The following PRKCB variants were observed in gnomAD, a reference collection of about 807,000 sequenced individuals.
PRKCB encodes protein kinase C beta.
A neutral mutation model predicts 81.5 loss-of-function variants in PRKCB; 13 were observed. The observed-to-expected ratio is 0.16, with a 90% CI of 0.10 to 0.25. The LOEUF (loss-of-function observed/expected upper bound fraction) is 0.25, where lower values mean the gene tolerates loss of function less well. Ranked by LOEUF, PRKCB falls within the 10% of genes least tolerant of loss-of-function variation. The pLI is 1.00. For synonymous variants in PRKCB, 335 were observed against 321.4 expected (o/e 1.04, Z -0.45); for missense variants, 509 against 875.7 (o/e 0.58, Z 5.29).
intron 5 of PRKCB, among the ~76,000 whole-genome samples, chr16:24,083,889 A>G (rs1373254371): frequency 3.9e-5 from 6 of 152,246 alleles, no homozygotes; most frequent in Admixed American, 6.5e-5. Flanking sequence ...AAGCTGATAA[A>G]AGACACAAGT....
intron 10 of PRKCB, among the ~76,000 whole-genome samples, chr16:24,157,218 G>C (rs1967174397): frequency 6.6e-6 from 1 of 152,124 alleles, no homozygotes; most frequent in Non-Finnish European, 1.5e-5. Context: ...TGAGAACCAG[G>C]AGAGCCTAGA....
chr16:24,148,201 C>A (rs1437949251), intron 9 of PRKCB, among the ~76,000 whole-genome samples: 1 of 152,162 alleles, frequency 6.6e-6, no homozygotes, highest in Non-Finnish European at 1.5e-5. Flanking sequence ...CTCCTGTGTC[C>A]CCGCCTTGCT....
chr16:24,049,047 GTTTTTTTTTTTTT>G (rs1160842975), intron 5 of PRKCB, among the ~76,000 whole-genome samples: 58 of 49,704 alleles, frequency 1.2e-3, no homozygotes, highest in Admixed American at 5.5e-3. Flanking sequence ...AAATTGGCCT[GTTTTTTTTTTTTT>G]TTTTTTTTTT....
intron 9 of PRKCB, 87 bp downstream of exon 9, chr16:24,124,068 C>A: frequency 6.8e-7 from 1 of 1,466,084 alleles, no homozygotes; most frequent in Non-Finnish European, 9.4e-7. Context: ...GACGGACGTC[C>A]TAGTGGGAGA....
rs769874764 is a variant in PRKCB at position 24,032,215 on chromosome 16, A to G, written c.368A>G (p.Tyr123Cys). The change falls in exon 4 of 17, where the codon TAT (tyrosine) becomes TGT (cysteine). Residue 123 changes from tyrosine to cysteine, a missense_variant. Transcript: ENST00000643927. ...TFCDHCGSLL[Y>C]GLIHQGMKCD... Reference sequence around the variant, plus strand: ...TGTGACCACTGTGGGTCACTGCTGTATGGACTCATCCACCAGGGGATGAAA... The same window carrying G: ...TGTGACCACTGTGGGTCACTGCTGTGTGGACTCATCCACCAGGGGATGAAA... 1 of 1,612,346 alleles carries G rather than the reference A, an allele frequency of 6.2e-7. No homozygotes were observed.
chr16:24,013,342 T>C (rs191726050), intron 3 of PRKCB, among the ~76,000 whole-genome samples: 95 of 152,312 alleles, frequency 6.2e-4, no homozygotes, highest in African/African-American at 2.2e-3. Flanking sequence ...AAAAGCACAG[T>C]TACTTCTGCA....
At chr16:23,862,066 A>G (rs907390007) in intron 2 of PRKCB, among the ~76,000 whole-genome samples, 1 of 151,868 alleles carries the variant, frequency 6.6e-6, no homozygotes, top group South Asian at 2.1e-4. Flanking sequence ...ATTGTGTCTT[A>G]TCTTCCTGGT....
intron 2 of PRKCB, among the ~76,000 whole-genome samples, chr16:23,969,177 A>C (rs1162113609): frequency 6.6e-6 from 1 of 152,114 alleles, no homozygotes; most frequent in Non-Finnish European, 1.5e-5. Context: ...CTCAAAAACC[A>C]AAACCAAAAA....
At chr16:24,181,771 C>CAAAAAAAAAAAAAAAAAAAAAAAAAAA (rs71154286) in intron 13 of PRKCB, among the ~76,000 whole-genome samples, 7 of 24,572 alleles carry the variant, frequency 2.8e-4, no homozygotes, top group Admixed American at 6.2e-4. Context: ...GACCCTGTCT[C>CAAAAAAAAAAAAAAAAAAAAAAAAAAA]AAAAAAAAAA....
chr16:24,055,908 G>A (rs1384924591), intron 5 of PRKCB, among the ~76,000 whole-genome samples: 1 of 152,088 alleles, frequency 6.6e-6, no homozygotes, highest in African/African-American at 2.4e-5. Context: ...CACAGTGCTG[G>A]GCTCTTTACC....
intron 13 of PRKCB, among the ~76,000 whole-genome samples, chr16:24,182,903 T>TGTGTGTGTGTGTGTGTGTG (rs1311568875): frequency 2.8e-4 from 10 of 35,164 alleles, no homozygotes; most frequent in African/African-American, 8.0e-4. Flanking sequence ...GTGTGTGTGT[T>TGTGTGTGTGTGTGTGTGTG]TGAGACAGGG....
At chr16:23,906,632 C>T (rs1012191128) in intron 2 of PRKCB, among the ~76,000 whole-genome samples, 4 of 152,054 alleles carry the variant, frequency 2.6e-5, no homozygotes, top group African/African-American at 4.8e-5. Flanking sequence ...TCTTTTACTA[C>T]TTTAACTTCT....
rs762014773 is a variant in PRKCB, at chr16:24,113,143, C to T, written c.918+74C>T. On this transcript the variant is annotated intron_variant, in intron 8 of 16. Transcript: ENST00000643927. Reference sequence around the variant, plus strand: ...TCCTTCTTTCCTCCTGCTCCCTCCTCTTTCTTTCTCTTTCTCTCTTATTCT... The same window carrying T: ...TCCTTCTTTCCTCCTGCTCCCTCCTTTTTCTTTCTCTTTCTCTCTTATTCT... 2.9e-4 allele frequency: 296 copies of T among 1,034,132 alleles called. 4 individuals carry two copies. The highest frequency in any genetic ancestry group is 7.2e-4 in the South Asian group (46 of 63,698). 64.1% of individuals were successfully genotyped at this position (1,034,132 alleles called of 1,614,324 possible).
At chr16:24,148,134 A>G (rs1442050964) in intron 9 of PRKCB, among the ~76,000 whole-genome samples, 1 of 152,298 alleles carries the variant, frequency 6.6e-6, no homozygotes, top group East Asian at 1.9e-4. Context: ...AGGTTTGTAG[A>G]TCCAGATCGT....
chr16:24,087,519 T>C lies in PRKCB; in HGVS notation c.530-5272T>C, dbSNP rs1305280982. Among the ~76,000 whole-genome samples, 3 of 152,332 alleles carry C rather than the reference T, an allele frequency of 2.0e-5. No homozygotes were observed. The East Asian group carries it at 5.8e-4, about 29-fold the overall frequency. Reference sequence around the variant, plus strand: ...GGATTAATGTTCTTTTATTTTTCCTTAATAAATCCTTCACTGGAATGAATT... The same window carrying C: ...GGATTAATGTTCTTTTATTTTTCCTCAATAAATCCTTCACTGGAATGAATT... On this transcript the variant is annotated intron_variant, in intron 5 of 16. Transcript: ENST00000643927.
intron 7 of PRKCB, among the ~76,000 whole-genome samples, chr16:24,106,093 T>C (rs1213709545): frequency 1.0e-5 from 1 of 98,112 alleles, no homozygotes; most frequent in Non-Finnish European, 2.2e-5. Context: ...ATTTTGGTCT[T>C]ATTACAAAAA....
intron 2 of PRKCB, among the ~76,000 whole-genome samples, chr16:23,913,789 T>C (rs1168468808): frequency 6.6e-6 from 1 of 152,194 alleles, no homozygotes. Context: ...CATCTCAGAA[T>C]TCCTGTGCAG....
At chr16:24,037,501 A>C (rs936621353) in intron 5 of PRKCB, among the ~76,000 whole-genome samples, 1 of 152,194 alleles carries the variant, frequency 6.6e-6, no homozygotes, top group Admixed American at 6.5e-5. Flanking sequence ...ACCCATCAGA[A>C]AACACATTTC....
chr16:24,023,744 G>A (rs1230312007), intron 3 of PRKCB, among the ~76,000 whole-genome samples: 1 of 152,104 alleles, frequency 6.6e-6, no homozygotes, highest in Non-Finnish European at 1.5e-5. Context: ...CTCTGAAACC[G>A]ATGGGTAAAT....
Sources: gnomAD v4.1 joint callset for allele counts (sites outside exome capture counted in the v4.1 genomes callset) on GRCh38, gnomAD v4.1.1 for gene constraint, MANE v1.5 for transcripts, NCBI Gene and HGNC (gene_info 2026-07-23, HGNC 2026-07-21) for gene names.